The following GSE1 variants were observed in gnomAD, a reference collection of about 807,000 sequenced individuals.
GSE1 encodes Gse1 coiled-coil protein.
A neutral mutation model predicts 112.6 loss-of-function variants in GSE1; 32 were observed. The ratio of observed to expected loss-of-function variants is 0.28; its 90% CI spans 0.21 to 0.38. The LOEUF (loss-of-function observed/expected upper bound fraction) is 0.38. Among genes scored for constraint, GSE1 ranks in the 10% least tolerant of loss-of-function variants. The pLI, the probability that GSE1 is intolerant of heterozygous loss-of-function variation, is 1.00. For missense variants in GSE1, 2,348 were observed against 1,699.2 expected (o/e 1.38, Z -6.71); for synonymous variants, 1,115 against 735.6 (o/e 1.52, Z -8.35).
chr16:85,355,196 C>G (rs947565411), intron 1 of GSE1, among the ~76,000 whole-genome samples: 1 of 151,942 alleles, frequency 6.6e-6, no homozygotes, highest in Non-Finnish European at 1.5e-5. Context: ...CACTTAGGCA[C>G]TTGGGTTTTA....
intron 1 of GSE1, among the ~76,000 whole-genome samples, chr16:85,351,520 G>A (rs1403012403): frequency 4.6e-5 from 7 of 152,050 alleles, no homozygotes; most frequent in African/African-American, 7.2e-5. Flanking sequence ...TGGAAGGATG[G>A]GGTTGACGGG....
chr16:85,372,376 G>A (rs1375395321), intron 2 of GSE1, among the ~76,000 whole-genome samples: 2 of 151,982 alleles, frequency 1.3e-5, no homozygotes, highest in Non-Finnish European at 2.9e-5. Flanking sequence ...CTACCCTGGA[G>A]GCTGAGGTGG....
intron 2 of GSE1, among the ~76,000 whole-genome samples, chr16:85,386,154 G>A (rs1332352984): frequency 2.0e-5 from 3 of 152,204 alleles, no homozygotes; most frequent in Non-Finnish European, 4.4e-5. Flanking sequence ...AAATATGGTG[G>A]TTCAGGTGGA....
At chr16:85,236,391 G>A (rs1320168076) in intron 1 of GSE1, among the ~76,000 whole-genome samples, 1 of 152,230 alleles carries the variant, frequency 6.6e-6, no homozygotes, top group African/African-American at 2.4e-5. Context: ...CATGGCCCTG[G>A]CTGGGTCTGG....
chr16:85,295,225 T>C (rs1226626630), intron 1 of GSE1, among the ~76,000 whole-genome samples: 2 of 152,216 alleles, frequency 1.3e-5, no homozygotes, highest in East Asian at 3.8e-4. Context: ...CCGGTCCACC[T>C]TCTGCCTGAG....
chr16:85,380,679 G>A (rs904426989), intron 2 of GSE1, among the ~76,000 whole-genome samples: 2 of 152,142 alleles, frequency 1.3e-5, no homozygotes, highest in African/African-American at 2.4e-5. Flanking sequence ...TTAACAAATT[G>A]GCTCCATTTG....
At chr16:85,264,799 G>A (rs1908066644) in intron 1 of GSE1, among the ~76,000 whole-genome samples, 1 of 152,198 alleles carries the variant, frequency 6.6e-6, no homozygotes, top group Admixed American at 6.5e-5. Flanking sequence ...TCAGGTGTGT[G>A]TAGAGTGTGG....
intron 1 of GSE1, among the ~76,000 whole-genome samples, chr16:85,567,034 G>GCCCCCCCCCCCCCC: frequency 6.8e-6 from 1 of 146,714 alleles, no homozygotes; most frequent in South Asian, 2.2e-4. Flanking sequence ...TGTTACTCCC[G>GCCCCCCCCCCCCCC]CCCCCACCCC....
At chr16:85,640,032 G>T (rs1187725986) in intron 2 of GSE1, among the ~76,000 whole-genome samples, 1 of 152,196 alleles carries the variant, frequency 6.6e-6, no homozygotes, top group African/African-American at 2.4e-5. Flanking sequence ...TGGGAACAGG[G>T]TGGCTCCAGA....
Position 85,289,287 on chromosome 16 carries a change from G to T in GSE1, c.2284-68176G>T, listed in dbSNP as rs141745195. 5.3e-3 allele frequency among the ~76,000 whole-genome samples: 803 copies of T among 152,220 alleles called. 8 individuals are homozygous for T. Among genetic ancestry groups the T allele is most frequent in the African/African-American group, 0.018 (754 of 41,524 alleles). On this transcript the variant is annotated intron_variant, in intron 1 of 2. Transcript: ENST00000637419. ...CATTGGCCTCCCCTCCAATGCTGGG[G>T]TTTTTTCCCAGGCCCGAGAGGCTGG...
chr16:85,655,068 TTTC>T, intron 5 of GSE1, 77 bp downstream of exon 5: 3 of 959,662 alleles, frequency 3.1e-6, no homozygotes, highest in Non-Finnish European at 4.8e-6. Flanking sequence ...GGGGAAGGTG[TTTC>T]TTATGACCTG....
chr16:85,360,956 C>T (rs1158511392), intron 2 of GSE1, among the ~76,000 whole-genome samples: 3 of 152,002 alleles, frequency 2.0e-5, no homozygotes, highest in Non-Finnish European at 2.9e-5. Context: ...CAGACCCTGT[C>T]TGCACCACAA....
intron 2 of GSE1, among the ~76,000 whole-genome samples, chr16:85,510,206 G>A (rs955924775): frequency 6.6e-6 from 1 of 152,198 alleles, no homozygotes; most frequent in African/African-American, 2.4e-5. Context: ...TTGTGAGCCG[G>A]CTTTTCATTA....
rs114198880 is a variant in GSE1 at position 85,541,813 on chromosome 16, G to T, written c.2465-92101G>T. On this transcript the variant is annotated intron_variant, in intron 2 of 2. Coordinates refer to the GSE1 transcript ENST00000637419. ...CTGTCAGGGGCCACGTCCCTGCCTC[G>T]CTGCTTGTCCTTGGTGTGACCTTGG... is the stretch of plus-strand genomic sequence containing the variant. Among the ~76,000 whole-genome samples, 1,059 of 152,304 alleles carry T rather than the reference G, an allele frequency of 7.0e-3. 13 individuals are homozygous for T. Among genetic ancestry groups the T allele is most frequent in the African/African-American group, 0.024 (1,006 of 41,562 alleles).
chr16:85,459,011 T>A (rs1173984631), intron 2 of GSE1, among the ~76,000 whole-genome samples: 1 of 152,174 alleles, frequency 6.6e-6, no homozygotes. Flanking sequence ...TATTGGCCGC[T>A]TTCGCTCCTG....
At chr16:85,266,913 T>C (rs4310841) in intron 1 of GSE1, among the ~76,000 whole-genome samples, 112,942 of 152,054 alleles carry the variant, frequency 0.74, 43,057 homozygotes, top group African/African-American at 0.92. Flanking sequence ...TCCCCCTTGG[T>C]CCCCCATTTC....
upstream of GSE1, among the ~76,000 whole-genome samples, chr16:85,609,654 C>CT (rs922725248): frequency 7.3e-5 from 11 of 149,886 alleles, no homozygotes; most frequent in African/African-American, 1.5e-4. Context: ...GGAAAGCTTT[C>CT]TTTTTTTTTT....
At chr16:85,226,718 G>A (rs1267256175) in intron 1 of GSE1, among the ~76,000 whole-genome samples, 2 of 151,988 alleles carry the variant, frequency 1.3e-5, no homozygotes, top group African/African-American at 4.8e-5. Flanking sequence ...GGTGGCCTGA[G>A]CCTGAGCCTC....
chr16:85,272,770 CTCTTT>C (rs765489694), intron 1 of GSE1, among the ~76,000 whole-genome samples: 187 of 148,576 alleles, frequency 1.3e-3, no homozygotes, highest in Non-Finnish European at 2.0e-3. Flanking sequence ...TTGTTTTCTT[CTCTTT>C]TCTTTTTTTT....
Sources: gnomAD v4.1 joint callset for allele counts (sites outside exome capture counted in the v4.1 genomes callset) on GRCh38, gnomAD v4.1.1 for gene constraint, MANE v1.5 for transcripts, NCBI Gene and HGNC (gene_info 2026-07-23, HGNC 2026-07-21) for gene names.